TMEM181: variants seen among roughly 807,000 people sequenced by gnomAD.
The protein encoded by TMEM181 is G protein-coupled receptor 178.
A neutral mutation model predicts 71.9 loss-of-function variants in TMEM181; 39 were observed. The ratio of observed to expected loss-of-function variants is 0.54; its 90% CI spans 0.42 to 0.71. The LOEUF (loss-of-function observed/expected upper bound fraction) is 0.71. TMEM181 is among the 30% of genes least tolerant of loss of function. The pLI is 0.00. For synonymous variants in TMEM181, 245 were observed against 228.8 expected (o/e 1.07, Z -0.64); for missense variants, 595 against 583.0 (o/e 1.02, Z -0.21).
At chr6:158,571,545 G>A (rs10945551) in intron 1 of TMEM181, among the ~76,000 whole-genome samples, 80,720 of 121,770 alleles carry the variant, frequency 0.66, 28,481 homozygotes, top group African/African-American at 0.77. Context: ...TGATCCGCCC[G>A]CCTTGGCCTC....
At chr6:158,623,696 G>A in intron 11 of TMEM181, 89 bp downstream of exon 11, 2 of 950,056 alleles carry the variant, frequency 2.1e-6, no homozygotes, top group Non-Finnish European at 3.2e-6. Flanking sequence ...GTTCTGTTGA[G>A]CTTTTTGCTA....
At chr6:158,611,043 TGA>T in intron 10 of TMEM181, 2 of 455,688 alleles carry the variant, frequency 4.4e-6, no homozygotes, top group Non-Finnish European at 4.3e-6. Context: ...GATTTCTAAA[TGA>T]GAGAGTCATC....
At position 158,632,614 on chromosome 6, in the gene TMEM181, T is replaced by C. The variant is rs923529428; in HGVS notation, c.*726T>C. 6.6e-6 allele frequency: 1 copy of C among 152,428 alleles called. No individual in the cohort carries two copies. The highest frequency in any genetic ancestry group is 1.5e-5 in the Non-Finnish European group (1 of 68,192). 9.4% of individuals were successfully genotyped at this position (152,428 alleles called of 1,614,324 possible). A position where few individuals can be genotyped will look rare whatever the true frequency, so the allele number is the denominator to read the frequency against. On this transcript the variant is annotated 3_prime_UTR_variant, in exon 17 of 17. Transcript: ENST00000684151. Reference sequence around the variant, plus strand: ...TCATGTGGGGAAGGTCTTACTGCCATGGTGCTTTTCAGGGGCCTGTGTGTA... The same window carrying C: ...TCATGTGGGGAAGGTCTTACTGCCACGGTGCTTTTCAGGGGCCTGTGTGTA...
rs756394026 is a variant in TMEM181 at position 158,623,573 on chromosome 6, T to C, written c.920T>C (p.Met307Thr). The C allele has an allele frequency of 5.1e-6, 8 of 1,581,892 alleles. No homozygotes were observed. Among genetic ancestry groups the C allele is most frequent in the Non-Finnish European group, 6.9e-6 (8 of 1,161,606 alleles). Reference sequence around the variant, plus strand: ...AGAGTTAACGAATTACATGATCCAATGTACCAGTATCGAGTTGATACCGGA... The same window carrying C: ...AGAGTTAACGAATTACATGATCCAACGTACCAGTATCGAGTTGATACCGGA... ...WQTVNELHDP[M>T]YQYRVDTGNF... is the part of the protein sequence containing the mutation. Residue 307 changes from methionine to threonine, a missense_variant, in exon 11 of 17, where the codon ATG becomes ACG. By Grantham distance (81) the Met-to-Thr change is moderately conservative. Coordinates refer to ENST00000684151, the MANE Select transcript of TMEM181 (RefSeq NM_001376852.1).
chr6:158,606,418 C>A (rs1348858041), intron 7 of TMEM181, among the ~76,000 whole-genome samples: 1 of 152,216 alleles, frequency 6.6e-6, no homozygotes, highest in Non-Finnish European at 1.5e-5. Context: ...GAAACACTTG[C>A]TTCTTCTCAA....
chr6:158,571,520 A>T lies in TMEM181; in HGVS notation c.9-1900A>T, dbSNP rs12211311. Among the ~76,000 whole-genome samples, 12 of 86,128 alleles carry T rather than the reference A, an allele frequency of 1.4e-4. 2 individuals carry two copies. Among genetic ancestry groups the T allele is most frequent in the Non-Finnish European group, 3.3e-4 (12 of 36,382 alleles). 56.5% of individuals were successfully genotyped at this position (86,128 alleles called of 152,430 possible). On this transcript the variant is annotated intron_variant, in intron 1 of 16. Coordinates refer to ENST00000684151, the MANE Select transcript of TMEM181 (RefSeq NM_001376852.1). ...TCATCGTGTTGGCCAGGATGGTCTC[A>T]ATCTCCTGACCTCGTGATCCGCCCG...
chr6:158,567,625 C>T (rs969629806), intron 1 of TMEM181, among the ~76,000 whole-genome samples: 3 of 152,122 alleles, frequency 2.0e-5, no homozygotes, highest in Non-Finnish European at 2.9e-5. Flanking sequence ...ATCAGCAGAG[C>T]GCTGTGTGAG....
At chr6:158,565,993 G>C (rs1465744861) in intron 1 of TMEM181, among the ~76,000 whole-genome samples, 1 of 152,230 alleles carries the variant, frequency 6.6e-6, no homozygotes, top group Non-Finnish European at 1.5e-5. Flanking sequence ...GACTTTGTAT[G>C]TTGCGTTTCC....
chr6:158,590,605 A>G (rs1181766749), intron 6 of TMEM181, among the ~76,000 whole-genome samples: 1 of 152,142 alleles, frequency 6.6e-6, no homozygotes, highest in Non-Finnish European at 1.5e-5. Context: ...CTGGGATTAC[A>G]AGTGTGTGCC....
At chr6:158,616,091 C>T (rs1215699841) in intron 10 of TMEM181, among the ~76,000 whole-genome samples, 3 of 152,096 alleles carry the variant, frequency 2.0e-5, no homozygotes, top group Non-Finnish European at 4.4e-5. Context: ...GCCATTTTCA[C>T]GATATTGATT....
intron 2 of TMEM181, among the ~76,000 whole-genome samples, chr6:158,577,353 A>G (rs1174538015): frequency 6.6e-6 from 1 of 152,224 alleles, no homozygotes; most frequent in Non-Finnish European, 1.5e-5. Context: ...TTGAACAGGT[A>G]GAGGAAAGAA....
At chr6:158,606,545 A>G (rs1562303847) in intron 7 of TMEM181, among the ~76,000 whole-genome samples, 1 of 152,206 alleles carries the variant, frequency 6.6e-6, no homozygotes, top group Non-Finnish European at 1.5e-5. Flanking sequence ...AGGCAAGGAA[A>G]CCCACATTGC....
At chr6:158,606,318 C>T (rs780986205) in intron 7 of TMEM181, among the ~76,000 whole-genome samples, 1 of 152,222 alleles carries the variant, frequency 6.6e-6, no homozygotes, top group African/African-American at 2.4e-5. Context: ...GTGGTGCTTA[C>T]GCCCAGCCCA....
chr6:158,624,848 C>G (rs1055235532), intron 11 of TMEM181, among the ~76,000 whole-genome samples: 1 of 152,184 alleles, frequency 6.6e-6, no homozygotes, highest in Non-Finnish European at 1.5e-5. Context: ...GGACAGGTCC[C>G]TGGTGGGAGG....
chr6:158,539,623 G>C (rs116965455), intron 1 of TMEM181, among the ~76,000 whole-genome samples: 1 of 152,212 alleles, frequency 6.6e-6, no homozygotes, highest in South Asian at 2.1e-4. Context: ...AACATGATTG[G>C]CCCCTCTGTT....
intron 11 of TMEM181, among the ~76,000 whole-genome samples, chr6:158,624,089 C>T (rs1461045853): frequency 6.6e-6 from 1 of 152,210 alleles, no homozygotes; most frequent in East Asian, 1.9e-4. Flanking sequence ...AATGTTTTTA[C>T]TCCCAGTCTT....
At chr6:158,628,669 C>T (rs1282699270) in intron 14 of TMEM181, among the ~76,000 whole-genome samples, 179 bp downstream of exon 14, 1 of 152,224 alleles carries the variant, frequency 6.6e-6, no homozygotes, top group African/African-American at 2.4e-5. Flanking sequence ...TGGGAAGGGG[C>T]AGCCTGTCCC....
chr6:158,544,709 A>C (rs991065234), intron 1 of TMEM181, among the ~76,000 whole-genome samples: 2 of 150,484 alleles, frequency 1.3e-5, no homozygotes, highest in Admixed American at 1.3e-4. Flanking sequence ...AGTCTTCATC[A>C]CCCCCTCCCC....
chr6:158,631,589 A>G (rs1353722092), intron 16 of TMEM181, among the ~76,000 whole-genome samples, 200 bp downstream of exon 16: 1 of 152,186 alleles, frequency 6.6e-6, no homozygotes, highest in African/African-American at 2.4e-5. Context: ...GGCTACCTGT[A>G]GGGCGTGCTG....
Sources: gnomAD v4.1 joint callset for allele counts (sites outside exome capture counted in the v4.1 genomes callset) on GRCh38, gnomAD v4.1.1 for gene constraint, MANE v1.5 for transcripts, NCBI Gene and HGNC (gene_info 2026-07-23, HGNC 2026-07-21) for gene names.